FMNL3: variants seen among roughly 807,000 people sequenced by gnomAD.
FMNL3 encodes the protein formin like 3, also known as formin-like protein 3.
Under a neutral mutation model 119.6 loss-of-function variants are expected in FMNL3, and 57 were observed. The ratio of observed to expected loss-of-function variants is 0.48; its 90% confidence interval spans 0.39 to 0.59. FMNL3 has a LOEUF of 0.59. Among genes scored for constraint, FMNL3 ranks in the 20% least tolerant of loss-of-function variants. The pLI, the probability that FMNL3 is intolerant of heterozygous loss-of-function variation, is 0.00. For synonymous variants in FMNL3, 491 were observed against 507.3 expected, an observed-to-expected ratio of 0.97 and a Z score of 0.43; for missense variants, 1,053 against 1,323.5, an observed-to-expected ratio of 0.80 and a Z score of 3.17.
At position 49,639,741 on chromosome 12, in the gene FMNL3, A is replaced by G. The variant is rs1942345911; in HGVS notation, c.*6074T>C. On this transcript the variant is annotated 3_prime_UTR_variant, in exon 26 of 26. Coordinates refer to ENST00000335154, the MANE Select transcript of FMNL3 (RefSeq NM_175736.5). The stretch of plus-strand genomic sequence containing the variant: ...GATAGAGTCACTAAGTAGAATTGAT[A>G]GATTTTGTGAAATGGAGGGAAAGGA... 1 of 152,288 alleles carries G rather than the reference A, an allele frequency of 6.6e-6. No homozygotes were observed. The highest frequency in any genetic ancestry group is 2.1e-4 in the South Asian group (1 of 4,824). 9.4% of individuals were successfully genotyped at this position (152,288 alleles called of 1,614,324 possible). A position where few individuals can be genotyped will look rare whatever the true frequency, so the allele number is the denominator to read the frequency against.
intron 17 of FMNL3, among the ~76,000 whole-genome samples, chr12:49,650,315 T>C (rs1943356450): frequency 6.6e-6 from 1 of 152,192 alleles, no homozygotes; most frequent in African/African-American, 2.4e-5. Context: ...GACTAACTCA[T>C]ATCTTTTCTT....
chr12:49,685,023 C>T (rs912702545), intron 1 of FMNL3, among the ~76,000 whole-genome samples: 8 of 152,192 alleles, frequency 5.3e-5, no homozygotes, highest in Admixed American at 2.0e-4. Flanking sequence ...CTGGGCCTCA[C>T]TTCAGGGCTG....
At chr12:49,652,335 A>T (rs1943430878) in intron 13 of FMNL3, 123 bp from the exon 14 acceptor site, 1 of 1,434,514 alleles carries the variant, frequency 7.0e-7, no homozygotes, top group Admixed American at 2.8e-5. Context: ...TCAGAGGCTC[A>T]GAGTGGCAGA....
rs746285922 is a variant in FMNL3, at chr12:49,644,183, T to C, written c.*1632A>G. The C allele has an allele frequency of 4.3e-5, 69 of 1,613,946 alleles. No homozygotes were observed. Among genetic ancestry groups the C allele is most frequent in the Non-Finnish European group, 5.3e-5 (62 of 1,180,024 alleles). On this transcript the variant is annotated 3_prime_UTR_variant, in exon 26 of 26. Transcript: ENST00000335154. ...GGACACTCCTACAGCAGCTGGATGA[T>C]CACCAGTGACCCAATGAGCTGTTCT...
rs1942054334 is a variant in FMNL3 at position 49,637,787 on chromosome 12, T to G, written c.*8028A>C. The G allele has an allele frequency of 3.7e-6, 6 of 1,612,450 alleles. No homozygotes were observed. The highest frequency in any genetic ancestry group is 5.1e-6 in the Non-Finnish European group (6 of 1,178,788). On this transcript the variant is annotated 3_prime_UTR_variant, in exon 26 of 26. Transcript: ENST00000335154. ...TATGTGGAGGAGTTGAAGGCACGAT[T>G]CCATGATGAAAAGAAGATCATTAAG...
chr12:49,675,002 C>G (rs1006315709), intron 1 of FMNL3, among the ~76,000 whole-genome samples: 1 of 152,202 alleles, frequency 6.6e-6, no homozygotes, highest in Non-Finnish European at 1.5e-5. Flanking sequence ...GGGGCCTCTT[C>G]TTCATCCTAG....
Position 49,662,385 on chromosome 12 carries a change from T to C in FMNL3, c.369-336A>G, listed in dbSNP as rs919059892. ...TCCACATGTCCTTGCTCAGTGTTTG[T>C]TGGAAGAATTTAGGAAGCATCAAGA... On this transcript the variant is annotated intron_variant, in intron 4 of 25. Transcript: ENST00000335154. Among the ~76,000 whole-genome samples the C allele has an allele frequency of 3.3e-5, 5 of 152,214 alleles. No individual in the cohort carries two copies. The South Asian group carries it at 1.0e-3, about 32-fold the overall frequency.
chr12:49,650,972 A>G, intron 16 of FMNL3, 94 bp from the exon 17 acceptor site: 1 of 1,484,640 alleles, frequency 6.7e-7, no homozygotes, highest in African/African-American at 1.4e-5. Context: ...GAGCTCTGTC[A>G]CTCTGGAATA....
At chr12:49,700,654 A>G (rs9804971) in intron 1 of FMNL3, among the ~76,000 whole-genome samples, 29,267 of 141,828 alleles carry the variant, frequency 0.21, 4,963 homozygotes, top group African/African-American at 0.48. Context: ...AGCAGAGGTT[A>G]CAGTGAGCCG....
chr12:49,656,926 G>C lies in FMNL3; in HGVS notation c.715-27C>G. The stretch of plus-strand genomic sequence containing the variant: ...TGCAAGGGAAAGGACAGAAGGAGGG[G>C]ACCTTGATGGTGGGGAAGGGGGAGC... On this transcript the variant is annotated intron_variant, in intron 7 of 25. Transcript: ENST00000335154. 4 of 1,598,666 alleles carry C rather than the reference G, an allele frequency of 2.5e-6. No homozygotes were observed. The Admixed American group carries it at 6.7e-5, about 27-fold the overall frequency.
intron 8 of FMNL3, 90 bp from the exon 9 acceptor site, chr12:49,656,587 G>T: frequency 8.1e-7 from 1 of 1,236,212 alleles, no homozygotes; most frequent in Non-Finnish European, 1.2e-6. Context: ...TCCTTTTGGA[G>T]AGTGGAGAAA....
intron 17 of FMNL3, 82 bp from the exon 18 acceptor site, chr12:49,650,007 A>G (rs1943344669): frequency 3.3e-6 from 4 of 1,225,484 alleles, no homozygotes; most frequent in Non-Finnish European, 4.6e-6. Context: ...AGCTCCTAGA[A>G]GAACTGGACA....
chr12:49,639,950 A>G lies in FMNL3; in HGVS notation c.*5865T>C, dbSNP rs979134644. 1 of 152,244 alleles carries G rather than the reference A, an allele frequency of 6.6e-6. No homozygotes were observed. Among genetic ancestry groups the G allele is most frequent in the African/African-American group, 2.4e-5 (1 of 41,466 alleles). The allele number at this position is 152,244 out of a possible 1,614,324, so 9.4% of individuals were successfully genotyped here. On this transcript the variant is annotated 3_prime_UTR_variant, in exon 26 of 26. Transcript: ENST00000335154. Reference sequence around the variant, plus strand: ...CTGGGATAGCTAAATTTTATTGGACAATTAACTTTTAGCCACAGAGTGGCT... The same window carrying G: ...CTGGGATAGCTAAATTTTATTGGACGATTAACTTTTAGCCACAGAGTGGCT...
At chr12:49,662,616 T>G (rs1410746633) in intron 4 of FMNL3, among the ~76,000 whole-genome samples, 1 of 152,114 alleles carries the variant, frequency 6.6e-6, no homozygotes, top group Non-Finnish European at 1.5e-5. Context: ...GTTCTGTATT[T>G]AGTCATGTTG....
chr12:49,685,921 G>A (rs2138972763), intron 1 of FMNL3, among the ~76,000 whole-genome samples: 1 of 152,110 alleles, frequency 6.6e-6, no homozygotes, highest in African/African-American at 2.4e-5. Context: ...ACAAAAATTA[G>A]CCAGGCTTGG....
chr12:49,671,080 C>CA (rs1944032548), intron 1 of FMNL3, among the ~76,000 whole-genome samples: 1 of 152,236 alleles, frequency 6.6e-6, no homozygotes. Flanking sequence ...GGCAGCCTGT[C>CA]ACTGCTGTGG....
Position 49,706,592 on chromosome 12 carries a change from C to A in FMNL3, c.126+463G>T, listed in dbSNP as rs538489058. Among the ~76,000 whole-genome samples, 14 of 152,292 alleles carry A rather than the reference C, an allele frequency of 9.2e-5. No individual in the cohort carries two copies. The East Asian group carries it at 2.7e-3, about 29-fold the overall frequency. The stretch of plus-strand genomic sequence containing the variant: ...TCTGGTCTGGGCTGGGAGTGGGACC[C>A]ACTCCCTGGGAAGCCTCCATGTTCG... On this transcript the variant is annotated intron_variant, in intron 1 of 25. Coordinates refer to ENST00000335154, the MANE Select transcript of FMNL3 (RefSeq NM_175736.5).
At chr12:49,694,640 G>A (rs1192580509) in intron 1 of FMNL3, among the ~76,000 whole-genome samples, 1 of 152,178 alleles carries the variant, frequency 6.6e-6, no homozygotes, top group Non-Finnish European at 1.5e-5. Flanking sequence ...GACGAGTGCG[G>A]TGGCTCACGC....
intron 1 of FMNL3, among the ~76,000 whole-genome samples, chr12:49,677,143 A>G (rs1208922881): frequency 6.6e-6 from 1 of 152,226 alleles, no homozygotes; most frequent in Non-Finnish European, 1.5e-5. Context: ...TACCATCTCT[A>G]GCAAATCCTT....
Sources: gnomAD v4.1 joint callset for allele counts (sites outside exome capture counted in the v4.1 genomes callset) on GRCh38, gnomAD v4.1.1 for gene constraint, MANE v1.5 for transcripts, NCBI Gene and HGNC (gene_info 2026-07-23, HGNC 2026-07-21) for gene names.